WFS1: variants seen among roughly 807,000 people sequenced by gnomAD.
The protein encoded by WFS1 is wolframin ER transmembrane glycoprotein, also known as wolframin.
In WFS1, 90 loss-of-function variants were observed where a neutral mutation model predicts 68.5. The ratio of observed to expected loss-of-function variants is 1.31; its 90% CI spans 1.11 to 1.56. The LOEUF (loss-of-function observed/expected upper bound fraction) is 1.56. WFS1 is among the 40% of genes most tolerant of loss of function. WFS1 has a pLI of 0.00. For missense variants in WFS1, 1,767 were observed against 1,232.6 expected (o/e 1.43, Z -6.49); for synonymous variants, 860 against 540.7 (o/e 1.59, Z -8.19).
chr4:6,292,760 G>T (rs1398513254), intron 6 of WFS1, among the ~76,000 whole-genome samples: 3 of 152,160 alleles, frequency 2.0e-5, no homozygotes, highest in Non-Finnish European at 4.4e-5. Flanking sequence ...ACATGGGCAG[G>T]TCTCATTTTT....
At chr4:6,288,149 G>GGAGGTTGCAGTGAGCC (rs966852507) in intron 3 of WFS1, among the ~76,000 whole-genome samples, 18 of 151,850 alleles carry the variant, frequency 1.2e-4, no homozygotes, top group Non-Finnish European at 1.9e-4. Flanking sequence ...CCCAGGAAGT[G>GGAGGTTGCAGTGAGCC]GAGGTTGCAG....
Position 6,301,753 on chromosome 4 carries a change from G to A in WFS1, c.1958G>A (p.Arg653His), listed in dbSNP as rs199697430. The change falls in exon 8 of 8, where the codon CGC becomes CAC. Residue 653 changes from arginine (R) to histidine (H), a missense_variant. Coordinates refer to ENST00000226760, the MANE Select transcript of WFS1 (RefSeq NM_006005.3). The part of the protein sequence containing the change: ...IVLFCWFYVY[R>H]SEGMKVYNST... Reference sequence around the variant, plus strand: ...CTGTTCTGCTGGTTCTATGTGTACCGCTCAGAGGGCATGAAGGTCTACAAC... The same window carrying A: ...CTGTTCTGCTGGTTCTATGTGTACCACTCAGAGGGCATGAAGGTCTACAAC... 3.1e-5 allele frequency: 50 copies of A among 1,613,644 alleles called. No individual in the cohort carries two copies. Among genetic ancestry groups the A allele is most frequent in the Admixed American group, 8.3e-5 (5 of 60,014 alleles).
intron 7 of WFS1, among the ~76,000 whole-genome samples, chr4:6,299,177 G>A (rs1242945245): frequency 6.6e-6 from 1 of 152,222 alleles, no homozygotes; most frequent in Non-Finnish European, 1.5e-5. Flanking sequence ...AGGGCTCAGG[G>A]CCTCTGAGTT....
intron 7 of WFS1, among the ~76,000 whole-genome samples, chr4:6,297,743 T>C (rs1014134218): frequency 6.6e-6 from 1 of 152,212 alleles, no homozygotes; most frequent in Non-Finnish European, 1.5e-5. Context: ...CCTCATAGTT[T>C]TTAAGTTTCG....
At chr4:6,278,641 G>T (rs1487331720) in intron 2 of WFS1, among the ~76,000 whole-genome samples, 1 of 152,224 alleles carries the variant, frequency 6.6e-6, no homozygotes, top group African/African-American at 2.4e-5. Flanking sequence ...TCTTGTCCCA[G>T]TCACCCCACT....
rs1216337102 is a variant in WFS1 at position 6,283,242 on chromosome 4, C to A, written c.233-3851C>A. 6.6e-6 allele frequency among the ~76,000 whole-genome samples: 1 copy of A among 152,212 alleles called. No homozygotes were observed. The highest frequency in any genetic ancestry group is 1.5e-5 in the Non-Finnish European group (1 of 68,036). On this transcript the variant is annotated intron_variant, in intron 2 of 7. Transcript: ENST00000226760. This position sits in a 1 kb window ranked among gnomAD's most constrained non-coding sequence, Gnocchi z 5.0. ...AAGATGTAGGGTGTTCTCCATAGAA[C>A]CTCACAGAGGGAAGGAGACCTGCCC...
chr4:6,301,926 G>C lies in WFS1; in HGVS notation c.2131G>C (p.Asp711His). Residue 711 changes from aspartate to histidine, a missense_variant, in exon 8 of 8, where the codon GAC becomes CAC. Asp to His is a moderately conservative substitution (Grantham distance 81). Coordinates refer to ENST00000226760, the MANE Select transcript of WFS1 (RefSeq NM_006005.3). ...CCGCTTCAAGTACGTCCGCGTGACT[G>C]ACATCGACAACAGCGCCGAGTCTGC... is the stretch of plus-strand genomic sequence containing the variant. ...TGRFKYVRVT[D>H]IDNSAESAIN... 6.2e-7 allele frequency: 1 copy of C among 1,612,950 alleles called. No homozygotes were observed. The highest frequency in any genetic ancestry group is 2.2e-5 in the East Asian group (1 of 44,876).
chr4:6,289,087 G>A lies in WFS1; in HGVS notation c.416G>A (p.Arg139His), dbSNP rs374642910. Residue 139 changes from arginine (R) to histidine (H), a missense_variant, in exon 4 of 8, where the codon CGC (arginine) becomes CAC (histidine). Transcript: ENST00000226760. ...WLVLAAKQGR[R>H]EAVKLLRRCL... ...GTCCTCGCCGCGAAGCAGGGCCGTCGCGAGGCTGTGAAGCTGCTTCGCCGG... is the reference window on the plus strand; with the variant it reads ...GTCCTCGCCGCGAAGCAGGGCCGTCACGAGGCTGTGAAGCTGCTTCGCCGG... The A allele has an allele frequency of 1.0e-4, 158 of 1,585,152 alleles. 1 individual carries two copies. The highest frequency in any genetic ancestry group is 1.3e-4 in the Non-Finnish European group (149 of 1,166,392).
chr4:6,285,175 A>ATCCAGGGAGAGGTACG (rs1730278075), intron 2 of WFS1, among the ~76,000 whole-genome samples: 1 of 142,222 alleles, frequency 7.0e-6, no homozygotes, highest in South Asian at 2.4e-4. Flanking sequence ...GGAGAGTTAC[A>ATCCAGGGAGAGGTACG]TCCAGGGAGA....
chr4:6,295,129 C>G lies in WFS1; in HGVS notation c.801C>G (p.Asp267Glu), dbSNP rs147734431. 1 of 1,613,212 alleles carries G rather than the reference C, an allele frequency of 6.2e-7. No individual in the cohort carries two copies. Among genetic ancestry groups the G allele is most frequent in the South Asian group, 1.1e-5 (1 of 91,074 alleles). Reference protein sequence around the residue: ...GVIPSSLFLQDDEDDDELAGK... With the variant: ...GVIPSSLFLQEDEDDDELAGK... Reference sequence around the variant, plus strand: ...TCCCCAGCAGCCTGTTCCTGCAGGACGACGAAGATGATGACGAGCTGGCGG... The same window carrying G: ...TCCCCAGCAGCCTGTTCCTGCAGGAGGACGAAGATGATGACGAGCTGGCGG... The change falls in exon 7 of 8, where the codon GAC becomes GAG. Residue 267 changes from aspartate (D) to glutamate (E), a missense_variant. By Grantham distance (45) the Asp-to-Glu change is conservative. Transcript: ENST00000226760.
rs1470898850 is a variant in WFS1 at position 6,302,332 on chromosome 4, G to C, written c.2537G>C (p.Ser846Thr). 1.2e-6 allele frequency: 2 copies of C among 1,612,394 alleles called. No homozygotes were observed. Among genetic ancestry groups the C allele is most frequent in the Non-Finnish European group, 8.5e-7 (1 of 1,179,846 alleles). ...KWPVFELKAISCLNCMAQLSP... is the reference protein window; with the variant it reads ...KWPVFELKAITCLNCMAQLSP... ...CCTGTCTTCGAGCTCAAGGCCATCA[G>C]CTGCCTCAACTGCATGGCCCAGCTC... The change falls in exon 8 of 8, where the codon AGC becomes ACC. Residue 846 changes from serine (S) to threonine (T), a missense_variant. Ser to Thr is a moderately conservative substitution (Grantham distance 58). Coordinates refer to ENST00000226760, the MANE Select transcript of WFS1 (RefSeq NM_006005.3).
chr4:6,274,653 C>T (rs954522943), intron 1 of WFS1, among the ~76,000 whole-genome samples: 3 of 152,116 alleles, frequency 2.0e-5, no homozygotes, highest in South Asian at 2.1e-4. Context: ...AAGGAGGTAT[C>T]GCTGGAGCTC....
At chr4:6,299,811 G>A (rs2109123907) in intron 7 of WFS1, among the ~76,000 whole-genome samples, 1 of 145,200 alleles carries the variant, frequency 6.9e-6, no homozygotes, top group African/African-American at 2.6e-5. Flanking sequence ...TTGAATGCGG[G>A]TAGGTTGCGT....
At position 6,302,239 on chromosome 4, in the gene WFS1, T is replaced by G; in HGVS notation, c.2444T>G (p.Leu815Arg). Residue 815 changes from leucine (L) to arginine (R), a missense_variant, in exon 8 of 8, where the codon CTC becomes CGC. By Grantham distance (102) the Leu-to-Arg change is moderately radical. Coordinates refer to ENST00000226760, the MANE Select transcript of WFS1 (RefSeq NM_006005.3). The stretch of plus-strand genomic sequence containing the variant: ...AGCAGCGAGTTCAAGAGCGTGCTGC[T>G]CAGCCTGCGCCAGGGCAGCCTCATC... ...RASSEFKSVL[L>R]SLRQGSLIEF... is the part of the protein sequence containing the mutation. 6.2e-7 allele frequency: 1 copy of G among 1,607,166 alleles called. No individual in the cohort carries two copies. The highest frequency in any genetic ancestry group is 8.5e-7 in the Non-Finnish European group (1 of 1,175,854).
At position 6,301,715 on chromosome 4, in the gene WFS1, C is replaced by G. The variant is rs778066089; in HGVS notation, c.1920C>G (p.Leu640=). Residue 640 remains leucine, a synonymous_variant, in exon 8 of 8, where the codon CTC becomes CTG. Transcript: ENST00000226760. ...SSMVKLILVW[L]TAIVLFCWFY... Reference sequence around the variant, plus strand: ...TGGTCAAGCTCATCCTGGTGTGGCTCACGGCCATCGTGCTGTTCTGCTGGT... The same window carrying G: ...TGGTCAAGCTCATCCTGGTGTGGCTGACGGCCATCGTGCTGTTCTGCTGGT... The G allele has an allele frequency of 1.2e-6, 2 of 1,614,066 alleles. No individual in the cohort carries two copies. The highest frequency in any genetic ancestry group is 1.7e-6 in the Non-Finnish European group (2 of 1,180,050).
At chr4:6,289,391 T>C (rs916528684) in intron 4 of WFS1, among the ~76,000 whole-genome samples, 1 of 152,260 alleles carries the variant, frequency 6.6e-6, no homozygotes, top group Non-Finnish European at 1.5e-5. Flanking sequence ...CCTGCTTCCC[T>C]GCTGGGTTCT....
At position 6,301,248 on chromosome 4, in the gene WFS1, G is replaced by A. The variant is rs1361513213; in HGVS notation, c.1453G>A (p.Gly485Ser). The A allele has an allele frequency of 2.5e-6, 4 of 1,611,450 alleles. No homozygotes were observed. The highest frequency in any genetic ancestry group is 3.4e-6 in the Non-Finnish European group (4 of 1,180,014). The change falls in exon 8 of 8, where the codon GGC becomes AGC. Residue 485 changes from glycine (G) to serine (S), a missense_variant. By Grantham distance (56) the Gly-to-Ser change is moderately conservative. Transcript: ENST00000226760. ...GAATTGGCCCTACCTGAAGGTCCTTGGCCAGACCTTCATCACCGTGCCTGT... is the reference window on the plus strand; with the variant it reads ...GAATTGGCCCTACCTGAAGGTCCTTAGCCAGACCTTCATCACCGTGCCTGT... The part of the protein sequence containing the change: ...PLNWPYLKVL[G>S]QTFITVPVGH...
At chr4:6,289,253 G>A in intron 4 of WFS1, 122 bp downstream of exon 4, 3 of 1,368,324 alleles carry the variant, frequency 2.2e-6, no homozygotes, top group Non-Finnish European at 2.9e-6. Flanking sequence ...GGAAATTTCA[G>A]TTTCTGTTTT....
Position 6,301,632 on chromosome 4 carries a change from T to G in WFS1, c.1837T>G (p.Trp613Gly), listed in dbSNP as rs1730924133. Residue 613 changes from tryptophan to glycine, a missense_variant, in exon 8 of 8, where the codon TGG (tryptophan) becomes GGG (glycine). Coordinates refer to ENST00000226760, the MANE Select transcript of WFS1 (RefSeq NM_006005.3). ...VCSVPLLLRWWTKASFSVVGM... is the reference protein window; with the variant it reads ...VCSVPLLLRWGTKASFSVVGM... ...TAGTGTGCCCCTGCTGTTGCGCTGG[T>G]GGACCAAGGCCAGCTTCTCTGTGGT... 2 of 1,613,988 alleles carry G rather than the reference T, an allele frequency of 1.2e-6. No homozygotes were observed. The highest frequency in any genetic ancestry group is 3.3e-5 in the Admixed American group (2 of 60,010).
Sources: allele counts gnomAD v4.1 joint callset (sites outside exome capture counted in the v4.1 genomes callset), GRCh38; gene constraint gnomAD v4.1.1; non-coding constraint Gnocchi (gnomAD v3.1); transcripts MANE v1.5; gene names NCBI Gene and HGNC (gene_info 2026-07-23, HGNC 2026-07-21).